The following CEP295 variants were observed in gnomAD, a reference collection of about 807,000 sequenced individuals.
The protein encoded by CEP295 is centrosomal protein 295.
A neutral mutation model predicts 291.6 loss-of-function variants in CEP295; 190 were observed. The ratio of observed to expected loss-of-function variants is 0.65; its 90% CI spans 0.58 to 0.73. CEP295 has a LOEUF of 0.73. CEP295 is among the 30% of genes least tolerant of loss of function. The pLI is 0.00. For missense variants in CEP295, 2,863 were observed against 2,949.4 expected (o/e 0.97, Z 0.68); for synonymous variants, 993 against 1,038.8 (o/e 0.96, Z 0.85).
intron 24 of CEP295, 79 bp from the exon 25 acceptor site, chr11:93,728,602 G>A (rs1211154554): frequency 1.6e-6 from 2 of 1,276,576 alleles, no homozygotes; most frequent in Non-Finnish European, 2.1e-6. Context: ...TGCAAAAAAT[G>A]TGCATTATAT....
At chr11:93,683,897 A>G in intron 8 of CEP295, 67 bp from the exon 9 acceptor site, 3 of 1,504,348 alleles carry the variant, frequency 2.0e-6, no homozygotes, top group Non-Finnish European at 1.8e-6. Context: ...TGGCCTTTGC[A>G]TTTTTGTGAT....
Position 93,723,100 on chromosome 11 carries a change from G to T in CEP295, c.6007G>T (p.Glu2003Ter), listed in dbSNP as rs933469923. 6.4e-7 allele frequency: 1 copy of T among 1,551,372 alleles called. No homozygotes were observed. Among genetic ancestry groups the T allele is most frequent in the African/African-American group, 1.4e-5 (1 of 73,140 alleles). ...KQESTTSKEEETNIISSIVPS... is the reference protein window; with the variant it reads ...KQESTTSKEE ...AGAATCTACCACCAGTAAAGAAGAG[G>T]AAACAAATATTATAAGTTCCATAGT... Residue 2003 changes from glutamate (E) to a stop codon, truncating the protein, a stop_gained, in exon 21 of 30, where the codon GAA (glutamate) becomes TAA (stop). Coordinates refer to ENST00000325212, the MANE Select transcript of CEP295 (RefSeq NM_033395.2). LOFTEE classifies it high-confidence loss of function.
rs1002539698 is a variant in CEP295 at position 93,730,250 on chromosome 11, G to A, written c.7787G>A (p.Arg2596Gln). 17 of 1,550,578 alleles carry A rather than the reference G, an allele frequency of 1.1e-5. No homozygotes were observed. Among genetic ancestry groups the A allele is most frequent in the Middle Eastern group, 1.8e-4 (1 of 5,694 alleles). Residue 2596 changes from arginine to glutamine, a missense_variant, in exon 30 of 30, where the codon CGA (arginine) becomes CAA (glutamine). By Grantham distance (43) the Arg-to-Gln change is conservative. Coordinates refer to ENST00000325212, the MANE Select transcript of CEP295 (RefSeq NM_033395.2). ...EFHKKTLEKL[R>Q]AKNTC Reference sequence around the variant, plus strand: ...CCACAGAAAACACTAGAGAAACTTCGAGCCAAAAATACATGCTGACTTTCT... The same window carrying A: ...CCACAGAAAACACTAGAGAAACTTCAAGCCAAAAATACATGCTGACTTTCT...
chr11:93,729,304 C>T (rs754681426), intron 25 of CEP295, 130 bp from the exon 26 acceptor site: 97 of 658,636 alleles, frequency 1.5e-4, no homozygotes, highest in East Asian at 2.7e-4. Flanking sequence ...GGTGGCGGGT[C>T]TCTGTAGACC....
At chr11:93,728,404 C>T in intron 24 of CEP295, 1 of 262,902 alleles carries the variant, frequency 3.8e-6, no homozygotes, top group Non-Finnish European at 7.1e-6. Flanking sequence ...ACACTACAAG[C>T]ATTTAGGTTT....
chr11:93,720,637 G>C (rs1385249438), intron 18 of CEP295, among the ~76,000 whole-genome samples: 1 of 152,088 alleles, frequency 6.6e-6, no homozygotes, highest in Non-Finnish European at 1.5e-5. Context: ...CTGTTGCAGA[G>C]GCTGGAGTGT....
Position 93,698,590 on chromosome 11 carries a change from C to T in CEP295, c.3678C>T (p.Asp1226=). The T allele has an allele frequency of 6.4e-7, 1 of 1,552,014 alleles. No individual in the cohort carries two copies. The highest frequency in any genetic ancestry group is 1.4e-5 in the African/African-American group (1 of 73,148). ...RFQECISIKS[D]STIPLSHPKI... The stretch of plus-strand genomic sequence containing the variant: ...AGGAATGTATATCAATCAAGAGTGA[C>T]AGTACCATTCCCTTAAGCCATCCTA... The change falls in exon 15 of 30, where the codon GAC becomes GAT. Residue 1226 remains aspartate, a synonymous_variant. Transcript: ENST00000325212.
rs928634171 is a variant in CEP295 at position 93,701,627 on chromosome 11, C to CGG, written c.5275-832_5275-831dup. 5.0e-3 allele frequency among the ~76,000 whole-genome samples: 759 copies of CGG among 152,096 alleles called. 10 individuals carry two copies. Among genetic ancestry groups the CGG allele is most frequent in the African/African-American group, 0.017 (699 of 41,512 alleles). On this transcript the variant is annotated intron_variant, in intron 15 of 29. Coordinates refer to ENST00000325212, the MANE Select transcript of CEP295 (RefSeq NM_033395.2). ...TTTGTTTGTTTGTTTGTTTTTGAGA[C>CGG]GGAGTCTTGCTCTGTCACCAGGCTG... is the stretch of plus-strand genomic sequence containing the variant.
At chr11:93,676,511 G>C (rs1452117067) in intron 6 of CEP295, among the ~76,000 whole-genome samples, 4 of 151,772 alleles carry the variant, frequency 2.6e-5, no homozygotes, top group African/African-American at 4.8e-5. Context: ...TACACATTTT[G>C]GTTGACTGCT....
intron 18 of CEP295, among the ~76,000 whole-genome samples, chr11:93,720,013 A>G (rs1211712715): frequency 9.9e-5 from 15 of 151,928 alleles, no homozygotes; most frequent in Admixed American, 9.8e-4. Context: ...ATTAGGAATG[A>G]TAATTCATCA....
In CEP295 at chr11:93,726,999, C is replaced by A; in HGVS notation, c.6523C>A (p.Leu2175Ile). 6.5e-7 allele frequency: 1 copy of A among 1,535,838 alleles called. No individual in the cohort carries two copies. Among genetic ancestry groups the A allele is most frequent in the Non-Finnish European group, 8.8e-7 (1 of 1,141,076 alleles). Residue 2175 changes from leucine to isoleucine, a missense_variant, in exon 24 of 30, where the codon CTT (leucine) becomes ATT (isoleucine). This residue lies in a region of CEP295 where 2,295 missense variants were observed against 2,335.7 expected (regional missense o/e 0.98). Coordinates refer to ENST00000325212, the MANE Select transcript of CEP295 (RefSeq NM_033395.2). The stretch of plus-strand genomic sequence containing the variant: ...AGGATCTGAACAATGTTTTGAACAG[C>A]TTCAGCCAGAATATTCTTCACAGGA... ...IGGSEQCFEQ[L>I]QPEYSSQEES...
At chr11:93,706,222 A>G (rs1591092539) in intron 17 of CEP295, among the ~76,000 whole-genome samples, 2 of 152,286 alleles carry the variant, frequency 1.3e-5, no homozygotes, top group East Asian at 1.9e-4. Flanking sequence ...CTTTTGTAGT[A>G]GTGCCTAGCG....
chr11:93,708,439 A>AT (rs1203305485), intron 18 of CEP295, among the ~76,000 whole-genome samples: 3 of 152,190 alleles, frequency 2.0e-5, no homozygotes, highest in Admixed American at 2.0e-4. Flanking sequence ...TTCACTTAAC[A>AT]TAATAACCTC....
rs1219662562 is a variant in CEP295, at chr11:93,698,032, G to C, written c.3120G>C (p.Gln1040His). The change falls in exon 15 of 30, where the codon CAG becomes CAC. Residue 1040 changes from glutamine (Q) to histidine (H), a missense_variant. Around this residue, in one of 3 missense-constraint regions of CEP295, gnomAD observed 2,295 missense variants for 2,335.7 expected, o/e 0.98. Coordinates refer to ENST00000325212, the MANE Select transcript of CEP295 (RefSeq NM_033395.2). ...VSCQSDIPIS[Q>H]DGSLSFLQQF... is the part of the protein sequence containing the mutation. ...GCCAATCTGACATCCCCATATCTCAGGATGGGTCTTTGAGTTTCCTACAGC... is the reference window on the plus strand; with the variant it reads ...GCCAATCTGACATCCCCATATCTCACGATGGGTCTTTGAGTTTCCTACAGC... 1.9e-6 allele frequency: 3 copies of C among 1,551,650 alleles called. No homozygotes were observed. The Admixed American group carries it at 5.9e-5, about 30-fold the overall frequency.
chr11:93,673,107 A>G (rs1043365039), intron 5 of CEP295, among the ~76,000 whole-genome samples: 12 of 152,178 alleles, frequency 7.9e-5, no homozygotes, highest in Non-Finnish European at 1.8e-4. Context: ...GTGTACTACC[A>G]TCTCTGAATT....
chr11:93,667,243 T>C (rs1193366368), intron 2 of CEP295, among the ~76,000 whole-genome samples: 2 of 152,220 alleles, frequency 1.3e-5, no homozygotes, highest in Non-Finnish European at 2.9e-5. Flanking sequence ...GAATCAGAAA[T>C]GATGTACAAC....
At position 93,703,523 on chromosome 11, in the gene CEP295, C is replaced by T. The variant is rs983804304; in HGVS notation, c.5596+604C>T. On this transcript the variant is annotated intron_variant, in intron 17 of 29. Transcript: ENST00000325212. ...TCCATCTTCTGACAGTCTTGCTCCC[C>T]GTTTCCTTTCATGTCTGCCTTCTAA... Among the ~76,000 whole-genome samples, 17 of 151,164 alleles carry T rather than the reference C, an allele frequency of 1.1e-4. No individual in the cohort carries two copies. The East Asian group carries it at 1.2e-3, about 10-fold the overall frequency.
intron 17 of CEP295, among the ~76,000 whole-genome samples, chr11:93,705,443 A>G (rs912819948): frequency 3.3e-5 from 5 of 151,786 alleles, no homozygotes; most frequent in African/African-American, 9.7e-5. Flanking sequence ...TGATCTTTCC[A>G]TTTTTTCTTC....
intron 12 of CEP295, among the ~76,000 whole-genome samples, chr11:93,693,524 G>C (rs1226953395): frequency 6.6e-6 from 1 of 152,132 alleles, no homozygotes; most frequent in Non-Finnish European, 1.5e-5. Context: ...GGGAGGCTTA[G>C]GCGGGCGGAT....
Sources: allele counts gnomAD v4.1 joint callset (sites outside exome capture counted in the v4.1 genomes callset), GRCh38; gene constraint gnomAD v4.1.1; regional missense constraint gnomAD v4.1.1; transcripts MANE v1.5; gene names NCBI Gene and HGNC (gene_info 2026-07-23, HGNC 2026-07-21).